Variants in RARB observed in about 807,000 individuals in gnomAD.
RARB encodes the protein retinoic acid receptor beta, also known as HBV-activated protein.
In RARB, 17 loss-of-function variants were observed where a neutral mutation model predicts 51.9. The observed-to-expected ratio is 0.33, with a 90% CI of 0.22 to 0.49. The LOEUF (loss-of-function observed/expected upper bound fraction) is 0.49, where lower values mean the gene tolerates loss of function less well. Ranked by LOEUF, RARB falls within the 20% of genes least tolerant of loss-of-function variation. The pLI, the probability that RARB is intolerant of heterozygous loss-of-function variation, is 0.99. For synonymous variants in RARB, 215 were observed against 195.4 expected, an observed-to-expected ratio of 1.10 and a Z score of -0.84; for missense variants, 369 against 550.8, an observed-to-expected ratio of 0.67 and a Z score of 3.30.
At chr3:25,286,877 T>C (rs1703670169) in intron 5 of RARB, among the ~76,000 whole-genome samples, 1 of 152,204 alleles carries the variant, frequency 6.6e-6, no homozygotes, top group African/African-American at 2.4e-5. Flanking sequence ...ACTGTTTAAA[T>C]AAACCTGTAC....
chr3:25,149,962 G>C (rs939020303), intron 4 of RARB, among the ~76,000 whole-genome samples: 1 of 152,120 alleles, frequency 6.6e-6, no homozygotes, highest in Non-Finnish European at 1.5e-5. Context: ...AGCACTTTGA[G>C]AGGCCGAGGT....
intron 2 of RARB, among the ~76,000 whole-genome samples, chr3:25,476,881 G>A (rs1172959099): frequency 2.0e-5 from 3 of 152,210 alleles, no homozygotes; most frequent in African/African-American, 4.8e-5. Context: ...TCTCCCACTA[G>A]TGTGTAAGTG....
intron 2 of RARB, among the ~76,000 whole-genome samples, chr3:25,037,481 C>G (rs1233219552): frequency 6.6e-6 from 1 of 152,010 alleles, no homozygotes; most frequent in East Asian, 1.9e-4. Flanking sequence ...CACCAGGAAG[C>G]TGCTATCCCT....
At chr3:25,354,866 C>T (rs563382266) in intron 5 of RARB, among the ~76,000 whole-genome samples, 1 of 140,894 alleles carries the variant, frequency 7.1e-6, no homozygotes, top group East Asian at 2.2e-4. Flanking sequence ...GAACCACATA[C>T]ATTTGTTTGC....
intron 5 of RARB, among the ~76,000 whole-genome samples, chr3:25,297,210 A>T (rs1267548056): frequency 6.6e-6 from 1 of 152,164 alleles, no homozygotes; most frequent in African/African-American, 2.4e-5. Context: ...CATATTCTCA[A>T]ATGGTTAACA....
chr3:25,417,929 C>T (rs1356861721), intron 5 of RARB, among the ~76,000 whole-genome samples: 1 of 151,084 alleles, frequency 6.6e-6, no homozygotes, highest in Non-Finnish European at 1.5e-5. Flanking sequence ...CATGGACATT[C>T]AGGGAGCCAG....
At chr3:25,424,028 T>A (rs1008003621), upstream of RARB, among the ~76,000 whole-genome samples, 3 of 152,240 alleles carry the variant, frequency 2.0e-5, no homozygotes, top group African/African-American at 7.2e-5. Flanking sequence ...GAGAAAAGTA[T>A]GCCCTTGTCT....
chr3:24,849,672 G>A (rs1478695369), intron 1 of RARB, among the ~76,000 whole-genome samples: 2 of 152,284 alleles, frequency 1.3e-5, no homozygotes, highest in Non-Finnish European at 2.9e-5. Context: ...AAAGCACATC[G>A]CAGCATTCTT....
chr3:25,277,892 C>T (rs978015907), intron 5 of RARB, among the ~76,000 whole-genome samples: 3 of 152,186 alleles, frequency 2.0e-5, no homozygotes, highest in African/African-American at 7.2e-5. Flanking sequence ...TCACTACTCT[C>T]CCATAAACAT....
chr3:24,839,453 G>A (rs148201722), intron 1 of RARB, among the ~76,000 whole-genome samples: 15 of 151,628 alleles, frequency 9.9e-5, no homozygotes, highest in African/African-American at 3.4e-4. Flanking sequence ...CTATGATCCC[G>A]ACACTTTGGG....
At chr3:25,261,159 A>G (rs746930332) in intron 5 of RARB, among the ~76,000 whole-genome samples, 9 of 152,146 alleles carry the variant, frequency 5.9e-5, no homozygotes, top group Non-Finnish European at 1.2e-4. Flanking sequence ...TTTAGCACAT[A>G]ATGAATACTC....
rs555940458 is a variant in RARB at position 25,532,510 on chromosome 3, G to A, written c.448+31187G>A. ...TACTGTTTCCCCAAAGCAAAAGACGGAAGAGTATTTTAGAGTGTCGTGGTA... is the reference window on the plus strand; with the variant it reads ...TACTGTTTCCCCAAAGCAAAAGACGAAAGAGTATTTTAGAGTGTCGTGGTA... On this transcript the variant is annotated intron_variant, in intron 3 of 7. Coordinates refer to ENST00000330688, the MANE Select transcript of RARB (RefSeq NM_000965.5). 9.2e-5 allele frequency among the ~76,000 whole-genome samples: 14 copies of A among 152,300 alleles called. No individual in the cohort carries two copies. The South Asian group carries it at 2.9e-3, about 32-fold the overall frequency.
At chr3:25,146,676 T>C (rs564081437) in intron 4 of RARB, among the ~76,000 whole-genome samples, 4 of 147,240 alleles carry the variant, frequency 2.7e-5, no homozygotes, top group Non-Finnish European at 4.5e-5. Context: ...GGCTAATTTT[T>C]TGTGGGGTTT....
intron 1 of RARB, among the ~76,000 whole-genome samples, chr3:25,449,980 G>A (rs1336033927): frequency 6.6e-6 from 1 of 151,758 alleles, no homozygotes; most frequent in East Asian, 1.9e-4. Flanking sequence ...TCAAACTTCT[G>A]TCCTCAAGTG....
chr3:25,033,006 A>ATTCCTTCT (rs1468921593), intron 2 of RARB, among the ~76,000 whole-genome samples: 1 of 152,218 alleles, frequency 6.6e-6, no homozygotes, highest in Non-Finnish European at 1.5e-5. Context: ...ATCACACATC[A>ATTCCTTCT]ACTTAAGTCA....
At chr3:25,507,420 TG>T (rs1185130568) in intron 3 of RARB, among the ~76,000 whole-genome samples, 3 of 152,242 alleles carry the variant, frequency 2.0e-5, no homozygotes, top group African/African-American at 7.2e-5. Flanking sequence ...TCTTGGAGGC[TG>T]TGTTTTCTAC....
At chr3:25,038,010 C>T (rs1010236560) in intron 2 of RARB, among the ~76,000 whole-genome samples, 1 of 152,174 alleles carries the variant, frequency 6.6e-6, no homozygotes, top group African/African-American at 2.4e-5. Flanking sequence ...TAGTTATTTT[C>T]CCATTTAGAC....
intron 3 of RARB, among the ~76,000 whole-genome samples, chr3:25,547,544 C>T (rs915125954): frequency 4.6e-5 from 7 of 152,198 alleles, no homozygotes; most frequent in African/African-American, 1.7e-4. Context: ...GCTTTTCTGC[C>T]AACCTAGTGA....
intron 3 of RARB, among the ~76,000 whole-genome samples, chr3:25,082,856 C>G (rs1252201564): frequency 6.6e-6 from 1 of 152,038 alleles, no homozygotes; most frequent in African/African-American, 2.4e-5. Context: ...TGCAAGTCTT[C>G]TGGTGCTGAA....
Sources: allele counts gnomAD v4.1 joint callset (sites outside exome capture counted in the v4.1 genomes callset), GRCh38; gene constraint gnomAD v4.1.1; transcripts MANE v1.5; gene names NCBI Gene and HGNC (gene_info 2026-07-23, HGNC 2026-07-21).